Variants in LRP1B observed in about 807,000 individuals in gnomAD.
LRP1B encodes low-density lipoprotein receptor-related protein 1B.
A neutral mutation model predicts 556.6 loss-of-function variants in LRP1B; 217 were observed. The observed-to-expected ratio is 0.39, with a 90% CI of 0.35 to 0.44. The LOEUF (loss-of-function observed/expected upper bound fraction) is 0.44, where lower values mean the gene tolerates loss of function less well. Among genes scored for constraint, LRP1B ranks in the 20% least tolerant of loss-of-function variants. The pLI, the probability that LRP1B is intolerant of heterozygous loss-of-function variation, is 1.00. For missense variants in LRP1B, 5,053 were observed against 5,620.8 expected (o/e 0.90, Z 3.23); for synonymous variants, 2,047 against 1,865.8 (o/e 1.10, Z -2.50).
chr2:140,603,515 AATGAGAATAATCCATCCT>A (rs1682751975), intron 41 of LRP1B, among the ~76,000 whole-genome samples: 1 of 152,130 alleles, frequency 6.6e-6, no homozygotes, highest in South Asian at 2.1e-4. Flanking sequence ...AATTTAAGCA[AATGAGAATAATCCATCCT>A]GATTCTACAT....
At chr2:141,983,679 A>C (rs1403597630) in intron 1 of LRP1B, among the ~76,000 whole-genome samples, 2 of 152,192 alleles carry the variant, frequency 1.3e-5, no homozygotes, top group South Asian at 4.1e-4. Flanking sequence ...GCTTGTTGAA[A>C]TTCATAGTCA....
chr2:141,395,362 A>C (rs979905800), intron 3 of LRP1B, among the ~76,000 whole-genome samples: 2 of 152,178 alleles, frequency 1.3e-5, no homozygotes, highest in Non-Finnish European at 1.5e-5. Context: ...TTGATACACA[A>C]GTTCTTATTA....
rs555219354 is a variant in LRP1B at position 141,392,593 on chromosome 2, G to A, written c.343+87803C>T. 2.6e-5 allele frequency among the ~76,000 whole-genome samples: 4 copies of A among 151,988 alleles called. No individual in the cohort carries two copies. In the South Asian group the frequency reaches 6.2e-4, roughly 24 times the overall value. ...TTCTGTGATTCTTAGTTAATGACAC[G>A]AAGAATGTAGAATCTGCTGGAAGCC... On this transcript the variant is annotated intron_variant, in intron 3 of 90. Coordinates refer to ENST00000389484, the MANE Select transcript of LRP1B (RefSeq NM_018557.3).
chr2:140,400,552 CA>C (rs751671313), intron 66 of LRP1B, among the ~76,000 whole-genome samples: 24 of 152,114 alleles, frequency 1.6e-4, no homozygotes, highest in Non-Finnish European at 3.1e-4. Flanking sequence ...TGGAAACTCC[CA>C]ATTTGAGACA....
At chr2:141,797,706 A>G (rs1281391386) in intron 2 of LRP1B, among the ~76,000 whole-genome samples, 1 of 152,138 alleles carries the variant, frequency 6.6e-6, no homozygotes, top group Non-Finnish European at 1.5e-5. Context: ...TTCTGAAAAA[A>G]TTTTGTTGTA....
At chr2:140,592,532 T>C (rs1682268654) in intron 43 of LRP1B, among the ~76,000 whole-genome samples, 1 of 152,128 alleles carries the variant, frequency 6.6e-6, no homozygotes, top group Non-Finnish European at 1.5e-5. Context: ...ATTTCAAACC[T>C]ATGTTGTGAG....
At chr2:140,597,736 T>C (rs1421048112) in intron 43 of LRP1B, among the ~76,000 whole-genome samples, 2 of 152,236 alleles carry the variant, frequency 1.3e-5, no homozygotes, top group East Asian at 3.8e-4. Flanking sequence ...ATTTGAATAC[T>C]GTCAGGTCTA....
At chr2:141,604,942 G>C (rs1296879737) in intron 2 of LRP1B, among the ~76,000 whole-genome samples, 3 of 151,962 alleles carry the variant, frequency 2.0e-5, no homozygotes, top group Admixed American at 1.3e-4. Flanking sequence ...AGGTGGGCTG[G>C]GGTACACCCA....
At chr2:140,291,320 T>TATATATATATATATATATATATACATATA in intron 84 of LRP1B, among the ~76,000 whole-genome samples, 1 of 51,856 alleles carries the variant, frequency 1.9e-5, no homozygotes, top group Non-Finnish European at 3.9e-5. Context: ...ATATATATAT[T>TATATATATATATATATATATATACATATA]TTTATTATAC....
At chr2:140,484,643 C>T (rs1688389802) in intron 59 of LRP1B, among the ~76,000 whole-genome samples, 1 of 152,158 alleles carries the variant, frequency 6.6e-6, no homozygotes, top group Admixed American at 6.5e-5. Flanking sequence ...TATGTACACT[C>T]TACTGAGCAA....
chr2:140,252,753 T>G (rs1049839252), intron 86 of LRP1B, among the ~76,000 whole-genome samples: 21 of 152,182 alleles, frequency 1.4e-4, no homozygotes, highest in African/African-American at 4.3e-4. Flanking sequence ...CAATAATCTG[T>G]CCCTGTCTGC....
At chr2:140,514,045 A>T (rs1689776796) in intron 51 of LRP1B, among the ~76,000 whole-genome samples, 1 of 152,012 alleles carries the variant, frequency 6.6e-6, no homozygotes, top group Admixed American at 6.5e-5. Context: ...TTTGTTAAAT[A>T]TTTGTGAATA....
At chr2:141,891,370 C>G (rs1473578590) in intron 1 of LRP1B, among the ~76,000 whole-genome samples, 1 of 152,130 alleles carries the variant, frequency 6.6e-6, no homozygotes, top group Non-Finnish European at 1.5e-5. Flanking sequence ...TGCTCCTTAT[C>G]TAATAATTTA....
At chr2:140,384,766 TC>T (rs1683683980) in intron 67 of LRP1B, among the ~76,000 whole-genome samples, 1 of 152,182 alleles carries the variant, frequency 6.6e-6, no homozygotes, top group African/African-American at 2.4e-5. Flanking sequence ...GTCTTCTGCG[TC>T]TGGGGAAATG....
intron 2 of LRP1B, among the ~76,000 whole-genome samples, chr2:141,567,449 T>C (rs1686372356): frequency 6.6e-6 from 1 of 152,196 alleles, no homozygotes; most frequent in Non-Finnish European, 1.5e-5. Flanking sequence ...GGACACCTAG[T>C]TGCCATATTT....
At chr2:141,485,065 T>A (rs1683073666) in intron 2 of LRP1B, among the ~76,000 whole-genome samples, 1 of 152,144 alleles carries the variant, frequency 6.6e-6, no homozygotes, top group Admixed American at 6.6e-5. Flanking sequence ...CAGAAAAATA[T>A]GTGTTTATTT....
At chr2:140,521,056 A>T (rs1464102590) in intron 49 of LRP1B, among the ~76,000 whole-genome samples, 1 of 152,038 alleles carries the variant, frequency 6.6e-6, no homozygotes, top group African/African-American at 2.4e-5. Context: ...GATCAAGAAA[A>T]GTGATAAAAT....
intron 6 of LRP1B, among the ~76,000 whole-genome samples, chr2:141,210,739 G>A (rs1441806044): frequency 5.9e-5 from 9 of 152,020 alleles, no homozygotes; most frequent in East Asian, 3.9e-4. Flanking sequence ...AGTTTGATAT[G>A]GCATCAAGCA....
At chr2:140,362,845 T>G (rs1478665159) in intron 72 of LRP1B, among the ~76,000 whole-genome samples, 2 of 151,662 alleles carry the variant, frequency 1.3e-5, no homozygotes, top group African/African-American at 4.8e-5. Context: ...TATATTTTTG[T>G]GCACATTAAT....
Sources: allele counts gnomAD v4.1 joint callset (sites outside exome capture counted in the v4.1 genomes callset), GRCh38; gene constraint gnomAD v4.1.1; transcripts MANE v1.5; gene names NCBI Gene and HGNC (gene_info 2026-07-23, HGNC 2026-07-21).